DIP2B: variants seen among roughly 807,000 people sequenced by gnomAD.
The protein encoded by DIP2B is disco-interacting protein 2 homolog B.
Under a neutral mutation model 198.0 loss-of-function variants are expected in DIP2B, and 76 were observed. That is an observed-to-expected ratio of 0.38 (90% confidence interval 0.32 to 0.46). The LOEUF (loss-of-function observed/expected upper bound fraction) is 0.46, where lower values mean the gene tolerates loss of function less well. Ranked by LOEUF, DIP2B falls within the 20% of genes least tolerant of loss-of-function variation. The pLI is 0.99. For missense variants in DIP2B, 1,559 were observed against 1,978.4 expected, an observed-to-expected ratio of 0.79 and a Z score of 4.02; for synonymous variants, 701 against 739.1, an observed-to-expected ratio of 0.95 and a Z score of 0.84.
intron 17 of DIP2B, among the ~76,000 whole-genome samples, chr12:50,697,398 C>G (rs1485445873): frequency 6.6e-6 from 1 of 152,008 alleles, no homozygotes; most frequent in African/African-American, 2.4e-5. Flanking sequence ...TTTTGCTCTT[C>G]GGAATCCATA....
intron 1 of DIP2B, among the ~76,000 whole-genome samples, chr12:50,602,133 C>T (rs1455488263): frequency 6.6e-6 from 1 of 152,188 alleles, no homozygotes; most frequent in Non-Finnish European, 1.5e-5. Flanking sequence ...AAGTAATTCC[C>T]ACCTCTTCCC....
intron 25 of DIP2B, among the ~76,000 whole-genome samples, chr12:50,719,929 AT>A (rs2139584749): frequency 1.4e-5 from 2 of 147,848 alleles, no homozygotes; most frequent in South Asian, 4.2e-4. Flanking sequence ...AAAGAAAAAA[AT>A]ATATATATGT....
rs1938913166 is a variant in DIP2B, at chr12:50,674,602, A to C, written c.769A>C (p.Arg257=). The C allele has an allele frequency of 6.2e-7, 1 of 1,614,082 alleles. No homozygotes were observed. Among genetic ancestry groups the C allele is most frequent in the Non-Finnish European group, 8.5e-7 (1 of 1,180,040 alleles). ...TAAAGGCATGCACAAAGGATCCAAC[A>C]GGTCCAGCCTTATGGATACAGCTGA... ...IVKGMHKGSN[R]SSLMDTADGV... The change falls in exon 6 of 38, where the codon AGG becomes CGG. Residue 257 remains arginine, a synonymous_variant. Transcript: ENST00000301180.
intron 2 of DIP2B, among the ~76,000 whole-genome samples, chr12:50,629,508 A>G (rs1205498197): frequency 6.6e-6 from 1 of 152,122 alleles, no homozygotes; most frequent in African/African-American, 2.4e-5. Flanking sequence ...CCAATGCTGT[A>G]TCTCTCTAGA....
intron 1 of DIP2B, among the ~76,000 whole-genome samples, chr12:50,602,709 C>T (rs1432740429): frequency 6.8e-6 from 1 of 146,404 alleles, no homozygotes; most frequent in Non-Finnish European, 1.5e-5. Flanking sequence ...AAATACAAAA[C>T]TTAGCTGGGC....
Position 50,734,115 on chromosome 12 carries a change from ATTGAT to A in DIP2B, c.3982-16_3982-12del. On this transcript the variant is annotated splice_polypyrimidine_tract_variant and intron_variant, in intron 32 of 37. Transcript: ENST00000301180. ...AGTTTATCGAAATTCTAAACAACGC[ATTGAT>A]TTGTCTTTCTTTAGGGAACCTCAGG... 6.2e-7 allele frequency: 1 copy of A among 1,613,464 alleles called. No individual in the cohort carries two copies. The highest frequency in any genetic ancestry group is 8.5e-7 in the Non-Finnish European group (1 of 1,179,564).
At chr12:50,521,020 A>T (rs745598101) in intron 1 of DIP2B, among the ~76,000 whole-genome samples, 1 of 150,562 alleles carries the variant, frequency 6.6e-6, no homozygotes, top group African/African-American at 2.5e-5. Context: ...CGTTCCTCTC[A>T]TCATGAAACC....
At chr12:50,574,167 T>C (rs1958638136) in intron 1 of DIP2B, among the ~76,000 whole-genome samples, 1 of 152,228 alleles carries the variant, frequency 6.6e-6, no homozygotes, top group Non-Finnish European at 1.5e-5. Flanking sequence ...GAAACTAATG[T>C]AACCTTTAAA....
intron 2 of DIP2B, among the ~76,000 whole-genome samples, chr12:50,627,217 G>A (rs983605590): frequency 6.6e-6 from 1 of 152,218 alleles, no homozygotes; most frequent in East Asian, 1.9e-4. Context: ...GAGTCACTTG[G>A]TGTAAAAGCA....
chr12:50,639,216 A>G (rs188544568), intron 2 of DIP2B, among the ~76,000 whole-genome samples: 54 of 151,764 alleles, frequency 3.6e-4, no homozygotes, highest in African/African-American at 1.3e-3. Context: ...AGCCTCCCCA[A>G]GTAGCTGAGA....
Position 50,675,396 on chromosome 12 carries a change from A to G in DIP2B, c.864A>G (p.Lys288=), listed in dbSNP as rs1938929052. ...TTCTGAACACTCTGAAACGACCCAA[A>G]AGGCCTCCCTTAAAGGAATTTTTTG... ...QQLLNTLKRP[K]RPPLKEFFVD... is the part of the protein sequence containing the mutation. Residue 288 remains lysine (K), a synonymous_variant, in exon 7 of 38, where the codon AAA becomes AAG. Transcript: ENST00000301180. The G allele has an allele frequency of 6.2e-7, 1 of 1,613,822 alleles. No individual in the cohort carries two copies. The highest frequency in any genetic ancestry group is 1.7e-5 in the Admixed American group (1 of 60,004).
intron 2 of DIP2B, among the ~76,000 whole-genome samples, chr12:50,638,013 A>G (rs1416221523): frequency 1.3e-5 from 2 of 152,174 alleles, no homozygotes; most frequent in African/African-American, 4.8e-5. Flanking sequence ...TTGAACCTAA[A>G]ATGTGTACTT....
chr12:50,729,728 T>C (rs981141415), intron 30 of DIP2B, among the ~76,000 whole-genome samples: 10 of 143,330 alleles, frequency 7.0e-5, no homozygotes, highest in African/African-American at 2.5e-4. Flanking sequence ...TTTCTTTTTT[T>C]TCTTTTTCTT....
rs11327858 is a variant in DIP2B, at chr12:50,630,663, C to CTTTTTTTTTT, written c.172+4632_172+4641dup. Among the ~76,000 whole-genome samples, 64 of 74,592 alleles carry CTTTTTTTTTT rather than the reference C, an allele frequency of 8.6e-4. 2 individuals carry two copies. Among genetic ancestry groups the CTTTTTTTTTT allele is most frequent in the East Asian group, 4.9e-3 (13 of 2,676 alleles). The allele number at this position is 74,592 out of a possible 152,430, so 48.9% of individuals were successfully genotyped here. On this transcript the variant is annotated intron_variant, in intron 2 of 37. Coordinates refer to ENST00000301180, the MANE Select transcript of DIP2B (RefSeq NM_173602.3). ...TTGATCACCACGAATTCTTTCTTTT[C>CTTTTTTTTTT]TTTTTTTTTTTTTTTTTTTTTTTTT... is the stretch of plus-strand genomic sequence containing the variant.
chr12:50,728,543 T>A lies in DIP2B; in HGVS notation c.3511-5T>A. On this transcript the variant is annotated splice_region_variant and splice_polypyrimidine_tract_variant and intron_variant, in intron 29 of 37. Transcript: ENST00000301180. ...CCAGCCTGTTCCATTTTCCATACTT[T>A]CCAGATGTCCCACTCTGCAGTGAAC... 3.7e-6 allele frequency: 6 copies of A among 1,613,108 alleles called. No homozygotes were observed. Among genetic ancestry groups the A allele is most frequent in the Non-Finnish European group, 5.1e-6 (6 of 1,179,382 alleles).
chr12:50,667,997 C>T (rs1358562816), intron 4 of DIP2B, among the ~76,000 whole-genome samples: 1 of 152,200 alleles, frequency 6.6e-6, no homozygotes, highest in African/African-American at 2.4e-5. Flanking sequence ...CCTACTTGTC[C>T]AGTCTCATCT....
intron 1 of DIP2B, among the ~76,000 whole-genome samples, chr12:50,551,728 G>A (rs1470550046): frequency 6.6e-6 from 1 of 152,162 alleles, no homozygotes; most frequent in Non-Finnish European, 1.5e-5. Flanking sequence ...ACATGCATGA[G>A]CCACCATACC....
intron 1 of DIP2B, among the ~76,000 whole-genome samples, chr12:50,606,650 T>C (rs1958984245): frequency 6.6e-6 from 1 of 152,138 alleles, no homozygotes; most frequent in Admixed American, 6.5e-5. Context: ...ACCCTTTGAT[T>C]TGTAATTTTT....
At position 50,734,223 on chromosome 12, in the gene DIP2B, T is replaced by G. The variant is rs770173233; in HGVS notation, c.4043+27T>G. The stretch of plus-strand genomic sequence containing the variant: ...TACAACAGATTTATTAATGCTCCTT[T>G]CCTACTAGTTCCTAAGCATAACAAA... On this transcript the variant is annotated intron_variant, in intron 33 of 37. Coordinates refer to ENST00000301180, the MANE Select transcript of DIP2B (RefSeq NM_173602.3). 3.7e-6 allele frequency: 6 copies of G among 1,611,244 alleles called. No homozygotes were observed. The South Asian group carries it at 6.6e-5, about 18-fold the overall frequency.
Sources: gnomAD v4.1 joint callset for allele counts (sites outside exome capture counted in the v4.1 genomes callset) on GRCh38, gnomAD v4.1.1 for gene constraint, MANE v1.5 for transcripts, NCBI Gene and HGNC (gene_info 2026-07-23, HGNC 2026-07-21) for gene names.